The following IMPDH1 variants were observed in gnomAD, a reference collection of about 807,000 sequenced individuals.
IMPDH1 encodes inosine monophosphate dehydrogenase 1.
Under a neutral mutation model 73.5 loss-of-function variants are expected in IMPDH1, and 41 were observed. That is an observed-to-expected ratio of 0.56 (90% confidence interval 0.43 to 0.72). The LOEUF is 0.72. Ranked by LOEUF, IMPDH1 falls within the 30% of genes least tolerant of loss-of-function variation. The pLI is 0.00. For synonymous variants in IMPDH1, 318 were observed against 334.3 expected (o/e 0.95, Z 0.53); for missense variants, 645 against 824.8 (o/e 0.78, Z 2.67).
At chr7:128,403,356 GAGACC>G (rs1214754935) in intron 5 of IMPDH1, among the ~76,000 whole-genome samples, 4 of 152,188 alleles carry the variant, frequency 2.6e-5, no homozygotes, top group Non-Finnish European at 5.9e-5. Context: ...TCAGGAGTTT[GAGACC>G]AGCCTGGCCA....
chr7:128,407,776 C>T (rs1185271965), intron 3 of IMPDH1, among the ~76,000 whole-genome samples: 2 of 152,164 alleles, frequency 1.3e-5, no homozygotes, highest in African/African-American at 2.4e-5. Context: ...AGAGCCAGGG[C>T]CCAGGAGAGC....
In IMPDH1 at chr7:128,398,687, G is replaced by C. The variant is rs927690104; in HGVS notation, c.875-74C>G. On this transcript the variant is annotated intron_variant, in intron 9 of 16. Coordinates refer to ENST00000338791, the MANE Select transcript of IMPDH1 (RefSeq NM_000883.4). This position sits in a 1 kb window ranked among gnomAD's most constrained non-coding sequence, Gnocchi z 4.3. ...TTTGGGAGATGTTTAGGAGGGTGAAGATGAAAGTGGACCACTCCAGAGATT... is the reference window on the plus strand; with the variant it reads ...TTTGGGAGATGTTTAGGAGGGTGAACATGAAAGTGGACCACTCCAGAGATT... The C allele has an allele frequency of 8.1e-7, 1 of 1,227,884 alleles. No individual in the cohort carries two copies. The highest frequency in any genetic ancestry group is 1.2e-6 in the Non-Finnish European group (1 of 838,402). 76.1% of individuals were successfully genotyped at this position (1,227,884 alleles called of 1,614,324 possible).
intron 1 of IMPDH1, 53 bp downstream of exon 1, chr7:128,409,703 C>T: frequency 1.3e-6 from 2 of 1,524,032 alleles, no homozygotes; most frequent in South Asian, 2.4e-5. Flanking sequence ...CCGCCGCGCC[C>T]TCCTCGGCCG....
Position 128,395,134 on chromosome 7 carries a change from T to G in IMPDH1, c.1402A>C (p.Thr468Pro). ...CCCCAGCACATTCTCCCCTCACCTG[T>G]GGAGGCTCCAAGGGCCAGGGCCTTG... ...VVKALALGAS[T>P]VMMGSLLAAT... The change falls in exon 13 of 17, where the codon ACA becomes CCA. Residue 468 changes from threonine (T) to proline (P), a missense_variant. By Grantham distance (38) the Thr-to-Pro change is conservative. Transcript: ENST00000338791. The G allele has an allele frequency of 6.2e-7, 1 of 1,614,014 alleles. No individual in the cohort carries two copies. Among genetic ancestry groups the G allele is most frequent in the Non-Finnish European group, 8.5e-7 (1 of 1,180,030 alleles).
In IMPDH1 at chr7:128,409,748, G is replaced by T; in HGVS notation, c.146+8C>A. Reference sequence around the variant, plus strand: ...GATGCGCCCCGCGCGCTCTGCCCTGGGCGTCACCTCTCGGGCTCGTAGCCG... The same window carrying T: ...GATGCGCCCCGCGCGCTCTGCCCTGTGCGTCACCTCTCGGGCTCGTAGCCG... On this transcript the variant is annotated splice_region_variant and intron_variant, in intron 1 of 16. Coordinates refer to ENST00000338791, the MANE Select transcript of IMPDH1 (RefSeq NM_000883.4). 1.3e-6 allele frequency: 2 copies of T among 1,525,362 alleles called. No individual in the cohort carries two copies. The highest frequency in any genetic ancestry group is 8.8e-7 in the Non-Finnish European group (1 of 1,142,126). 94.5% of individuals were successfully genotyped at this position (1,525,362 alleles called of 1,614,324 possible).
intron 1 of IMPDH1, 47 bp from the exon 2 acceptor site, chr7:128,409,531 T>TC (rs761496483): frequency 6.2e-7 from 1 of 1,606,234 alleles, no homozygotes; most frequent in African/African-American, 1.3e-5. Flanking sequence ...TCTCCTCCGC[T>TC]CCCCCGTGCA....
rs1299936178 is a variant in IMPDH1 at position 128,403,101 on chromosome 7, C to T, written c.402+605G>A. Among the ~76,000 whole-genome samples, 8 of 152,180 alleles carry T rather than the reference C, an allele frequency of 5.3e-5. No individual in the cohort carries two copies. The East Asian group carries it at 1.5e-3, about 29-fold the overall frequency. On this transcript the variant is annotated intron_variant, in intron 5 of 16. Transcript: ENST00000338791. ...GTTCCCACTCCCAAGCCCACCCCTT[C>T]CCAGGCCTCTTCTGAACCTGCCCAC...
intron 16 of IMPDH1, 97 bp from the exon 17 acceptor site, chr7:128,393,125 CAG>C: frequency 7.3e-7 from 1 of 1,363,320 alleles, no homozygotes; most frequent in Non-Finnish European, 1.0e-6. Context: ...TAGGAGAGAA[CAG>C]AGAGCTGAGA....
rs564132747 is a variant in IMPDH1, at chr7:128,395,006, G to C, written c.1433C>G (p.Thr478Ser). 9.9e-6 allele frequency: 16 copies of C among 1,614,072 alleles called. No individual in the cohort carries two copies. In the East Asian group the frequency reaches 3.3e-4, roughly 34 times the overall value. ...GAAGTACTCGCCAGGGGCCTCCGTA[G>C]TGGCGGCCAGCAGGGAGCCCATCAT... is the stretch of plus-strand genomic sequence containing the variant. ...TVMMGSLLAA[T>S]TEAPGEYFFS... is the part of the protein sequence containing the mutation. Residue 478 changes from threonine to serine, a missense_variant, in exon 14 of 17, where the codon ACT (threonine) becomes AGT (serine). Transcript: ENST00000338791.
At chr7:128,397,738 A>AT (rs145250164) in intron 10 of IMPDH1, among the ~76,000 whole-genome samples, 28 of 150,088 alleles carry the variant, frequency 1.9e-4, no homozygotes, top group African/African-American at 2.7e-4. Context: ...CAATTTGTCA[A>AT]TTTTTTTTTT....
At chr7:128,407,686 G>A (rs974108667) in intron 3 of IMPDH1, among the ~76,000 whole-genome samples, 28 of 152,150 alleles carry the variant, frequency 1.8e-4, no homozygotes, top group African/African-American at 6.8e-4. Flanking sequence ...GGGTTACTGG[G>A]TCACTAAAGG....
Position 128,394,278 on chromosome 7 carries a change from G to C in IMPDH1, c.1778C>G (p.Ser593Cys). ...QIEGGVHGLHSYEKRLY is the reference protein window; with the variant it reads ...QIEGGVHGLHCYEKRLY Reference sequence around the variant, plus strand: ...ACAGCAAGGAGGCCACCACACTTACGAGTGCAGGCCATGGACACCACCCTC... The same window carrying C: ...ACAGCAAGGAGGCCACCACACTTACCAGTGCAGGCCATGGACACCACCCTC... Residue 593 changes from serine to cysteine, a missense_variant and splice_region_variant, in exon 16 of 17, where the codon TCT becomes TGT. Coordinates refer to ENST00000338791, the MANE Select transcript of IMPDH1 (RefSeq NM_000883.4). The surrounding 1 kb of genome is among the most constrained non-coding windows in gnomAD (Gnocchi z 5.5). 2 of 1,613,354 alleles carry C rather than the reference G, an allele frequency of 1.2e-6. No homozygotes were observed. The highest frequency in any genetic ancestry group is 1.7e-6 in the Non-Finnish European group (2 of 1,179,458).
Position 128,394,403 on chromosome 7 carries a change from TGGA to T in IMPDH1, c.1695-45_1695-43del, listed in dbSNP as rs1797759200. On this transcript the variant is annotated intron_variant, in intron 15 of 16. Coordinates refer to ENST00000338791, the MANE Select transcript of IMPDH1 (RefSeq NM_000883.4). The surrounding 1 kb of genome is among the most constrained non-coding windows in gnomAD (Gnocchi z 5.5). ...TGGAGCAGATCAGGGCCACCAAGGG[TGGA>T]GAAGAGCGAGAGAAAGGAAGCAGGA... 6.2e-7 allele frequency: 1 copy of T among 1,613,316 alleles called. No homozygotes were observed. The highest frequency in any genetic ancestry group is 1.1e-5 in the South Asian group (1 of 91,040).
chr7:128,394,604 G>T lies in IMPDH1; in HGVS notation c.1551-5C>A, dbSNP rs370558710. 67 of 1,613,070 alleles carry T rather than the reference G, an allele frequency of 4.2e-5. No individual in the cohort carries two copies. The highest frequency in any genetic ancestry group is 5.7e-5 in the Non-Finnish European group (67 of 1,179,944). The stretch of plus-strand genomic sequence containing the variant: ...ATCTTCACTTTATCCCCCTCGCTGC[G>T]TGGAGGGTGGAAGACTGAGCCCAGC... On this transcript the variant is annotated splice_region_variant and splice_polypyrimidine_tract_variant and intron_variant, in intron 14 of 16. Transcript: ENST00000338791. The surrounding 1 kb of genome is among the most constrained non-coding windows in gnomAD (Gnocchi z 5.5).
Position 128,402,710 on chromosome 7 carries a change from A to G in IMPDH1, c.402+996T>C, listed in dbSNP as rs78125081. ...CAATAATAATAGCAACAGAAAAGAA[A>G]TGTTTTTTTTTTAATGTATATGAAT... On this transcript the variant is annotated intron_variant, in intron 5 of 16. Coordinates refer to ENST00000338791, the MANE Select transcript of IMPDH1 (RefSeq NM_000883.4). Among the ~76,000 whole-genome samples the G allele has an allele frequency of 1.2e-3, 177 of 150,864 alleles. 6 individuals carry two copies. The East Asian group carries it at 0.032, about 28-fold the overall frequency.
intron 5 of IMPDH1, among the ~76,000 whole-genome samples, chr7:128,402,206 G>A (rs1448017844): frequency 6.6e-6 from 1 of 151,924 alleles, no homozygotes; most frequent in African/African-American, 2.4e-5. Context: ...AGATTCAAGT[G>A]ATTCTCCTGC....
chr7:128,394,918 C>T lies in IMPDH1; in HGVS notation c.1521G>A (p.Lys507=). Residue 507 remains lysine, a synonymous_variant, in exon 14 of 17, where the codon AAG becomes AAA. Coordinates refer to ENST00000338791, the MANE Select transcript of IMPDH1 (RefSeq NM_000883.4). The surrounding 1 kb of genome is among the most constrained non-coding windows in gnomAD (Gnocchi z 5.5). ...AGTATCGTTTCTGGCTGCTGCTGCT[C>T]TTCTCCATGGCATCCAGTGAGCCCA... ...RGMGSLDAME[K]SSSSQKRYFS... 6.2e-7 allele frequency: 1 copy of T among 1,612,948 alleles called. No individual in the cohort carries two copies. The highest frequency in any genetic ancestry group is 8.5e-7 in the Non-Finnish European group (1 of 1,180,026).
intron 3 of IMPDH1, among the ~76,000 whole-genome samples, chr7:128,407,491 C>G (rs1045261759): frequency 6.6e-6 from 1 of 152,208 alleles, no homozygotes; most frequent in Non-Finnish European, 1.5e-5. Context: ...TCCTGAGGAG[C>G]ACCAGCACTA....
intron 3 of IMPDH1, among the ~76,000 whole-genome samples, chr7:128,406,503 T>A (rs1798789845): frequency 6.6e-6 from 1 of 151,854 alleles, no homozygotes. Flanking sequence ...GTTGGATCGC[T>A]ATGCCCCATC....
Sources: gnomAD v4.1 joint callset for allele counts (sites outside exome capture counted in the v4.1 genomes callset) on GRCh38, gnomAD v4.1.1 for gene constraint, Gnocchi (gnomAD v3.1) non-coding constraint, MANE v1.5 for transcripts, NCBI Gene and HGNC (gene_info 2026-07-23, HGNC 2026-07-21) for gene names.